MAGI2: variants seen among roughly 807,000 people sequenced by gnomAD.
The protein encoded by MAGI2 is membrane associated guanylate kinase, WW and PDZ domain containing 2, also known as membrane-associated guanylate kinase, WW and PDZ domain-containing protein 2.
In MAGI2, 35 loss-of-function variants were observed where a neutral mutation model predicts 133.3. The ratio of observed to expected loss-of-function variants is 0.26; its 90% CI spans 0.20 to 0.35. MAGI2 has a LOEUF of 0.35. Among genes scored for constraint, MAGI2 ranks in the 10% least tolerant of loss-of-function variants. MAGI2 has a pLI of 1.00. For synonymous variants in MAGI2, 729 were observed against 710.6 expected, an observed-to-expected ratio of 1.03 and a Z score of -0.41; for missense variants, 1,636 against 1,863.4, an observed-to-expected ratio of 0.88 and a Z score of 2.25.
intron 1 of MAGI2, among the ~76,000 whole-genome samples, chr7:79,050,169 C>A (rs574692377): frequency 2.5e-4 from 38 of 152,198 alleles, no homozygotes; most frequent in African/African-American, 7.9e-4. Context: ...GTTGTTTTCT[C>A]ATGAATACAT....
chr7:78,131,605 T>C (rs760778650), intron 18 of MAGI2, among the ~76,000 whole-genome samples: 1 of 152,162 alleles, frequency 6.6e-6, no homozygotes, highest in Non-Finnish European at 1.5e-5. Flanking sequence ...TGTTCTGTTT[T>C]TGTTTGTTTG....
chr7:79,070,651 C>T (rs2117152814), intron 1 of MAGI2, among the ~76,000 whole-genome samples: 1 of 151,850 alleles, frequency 6.6e-6, no homozygotes, highest in Admixed American at 6.6e-5. Flanking sequence ...ACCACCACAC[C>T]CAGCCAATTT....
At chr7:78,536,355 G>A (rs1036361924) in intron 3 of MAGI2, among the ~76,000 whole-genome samples, 4 of 151,354 alleles carry the variant, frequency 2.6e-5, no homozygotes, top group Admixed American at 6.6e-5. Context: ...CTCGTGATCC[G>A]CCCGCCTCGG....
intron 3 of MAGI2, among the ~76,000 whole-genome samples, chr7:78,588,537 A>T (rs1442126635): frequency 6.6e-5 from 10 of 152,200 alleles, no homozygotes; most frequent in Non-Finnish European, 1.5e-4. Flanking sequence ...AGTCAGTCTC[A>T]AACAACTTGC....
chr7:78,359,129 A>G (rs1306904263), intron 7 of MAGI2: 1 of 152,224 alleles, frequency 6.6e-6, no homozygotes, highest in Non-Finnish European at 1.5e-5. Context: ...TCTATGACCT[A>G]CTTGTTCAGG....
chr7:78,155,645 C>A (rs764751547), intron 16 of MAGI2, among the ~76,000 whole-genome samples: 4 of 152,002 alleles, frequency 2.6e-5, no homozygotes, highest in Non-Finnish European at 5.9e-5. Context: ...AACAACAAAA[C>A]AAACAAACAA....
chr7:78,272,588 G>T (rs770651292), intron 9 of MAGI2, among the ~76,000 whole-genome samples: 2 of 152,082 alleles, frequency 1.3e-5, no homozygotes, highest in Non-Finnish European at 2.9e-5. Flanking sequence ...TCTCTTTCTA[G>T]GTCTCTAAGA....
rs148730203 is a variant in MAGI2, at chr7:79,141,443, G to T, written c.302-134237C>A. Among the ~76,000 whole-genome samples, 897 of 152,160 alleles carry T rather than the reference G, an allele frequency of 5.9e-3. 12 individuals carry two copies. Among genetic ancestry groups the T allele is most frequent in the African/African-American group, 0.02 (828 of 41,490 alleles). ...CTCACCACCTCATACATGTATTAAT[G>T]TAACATCTACTTCAGAGCCAAATTT... On this transcript the variant is annotated intron_variant, in intron 1 of 21. Coordinates refer to ENST00000354212, the MANE Select transcript of MAGI2 (RefSeq NM_012301.4).
At chr7:78,346,943 C>G (rs943823952) in intron 7 of MAGI2, among the ~76,000 whole-genome samples, 1 of 152,200 alleles carries the variant, frequency 6.6e-6, no homozygotes, top group African/African-American at 2.4e-5. Context: ...GTACTTAACT[C>G]TTGGCCAGTT....
chr7:79,134,112 C>A (rs1197576543), intron 1 of MAGI2, among the ~76,000 whole-genome samples: 1 of 152,088 alleles, frequency 6.6e-6, no homozygotes, highest in Admixed American at 6.5e-5. Flanking sequence ...AAGTTAAAAT[C>A]TTAGTCTATT....
At chr7:78,187,495 CA>C in intron 12 of MAGI2, among the ~76,000 whole-genome samples, 1 of 151,662 alleles carries the variant, frequency 6.6e-6, no homozygotes, top group African/African-American at 2.4e-5. Context: ...CACATAATAC[CA>C]AAAAAATGAG....
chr7:78,448,224 G>A (rs1788353244), intron 6 of MAGI2, among the ~76,000 whole-genome samples: 2 of 152,016 alleles, frequency 1.3e-5, no homozygotes, highest in South Asian at 2.1e-4. Context: ...TGTGAAGAGT[G>A]CTGCAGCGAA....
chr7:79,028,264 T>G (rs1199119571), intron 1 of MAGI2, among the ~76,000 whole-genome samples: 3 of 21,126 alleles, frequency 1.4e-4, no homozygotes, highest in African/African-American at 4.3e-4. Flanking sequence ...TATATATATA[T>G]ATATGTATGT....
chr7:78,607,405 C>T (rs981605957), intron 3 of MAGI2, among the ~76,000 whole-genome samples: 15 of 151,442 alleles, frequency 9.9e-5, no homozygotes, highest in Middle Eastern at 3.4e-3. Context: ...GGCTGGCAGG[C>T]CCAGTAGTTG....
intron 1 of MAGI2, among the ~76,000 whole-genome samples, chr7:79,421,259 A>T (rs1350345194): frequency 6.6e-6 from 1 of 151,658 alleles, no homozygotes; most frequent in Non-Finnish European, 1.5e-5. Flanking sequence ...CTTGGCTTAT[A>T]GTTAAGTACC....
intron 3 of MAGI2, among the ~76,000 whole-genome samples, chr7:78,584,552 T>C (rs1195346101): frequency 1.3e-5 from 2 of 151,876 alleles, no homozygotes; most frequent in Non-Finnish European, 2.9e-5. Context: ...GCTTTCTGCA[T>C]GGCATCAGCA....
chr7:78,867,667 G>A, intron 2 of MAGI2, among the ~76,000 whole-genome samples: 1 of 151,352 alleles, frequency 6.6e-6, no homozygotes, highest in Non-Finnish European at 1.5e-5. Flanking sequence ...TTGTGCACAT[G>A]TACCCTAAAA....
Position 78,888,187 on chromosome 7 carries a change from C to T in MAGI2, c.418+118903G>A, listed in dbSNP as rs570358314. ...GGCTGCAGGAAGGCTGGGGGAGGGG[C>T]GCCCACCATTGCTGAGGCTTCAGTA... On this transcript the variant is annotated intron_variant, in intron 2 of 21. Transcript: ENST00000354212. Among the ~76,000 whole-genome samples the T allele has an allele frequency of 5.9e-5, 9 of 152,134 alleles. 1 individual carries two copies. The South Asian group carries it at 1.0e-3, about 18-fold the overall frequency.
intron 9 of MAGI2, among the ~76,000 whole-genome samples, chr7:78,296,689 T>A (rs1399013625): frequency 1.3e-5 from 2 of 152,178 alleles, no homozygotes; most frequent in African/African-American, 4.8e-5. Flanking sequence ...ACAGCATCCT[T>A]CTCCAAAATT....
Sources: gnomAD v4.1 joint callset for allele counts (sites outside exome capture counted in the v4.1 genomes callset) on GRCh38, gnomAD v4.1.1 for gene constraint, MANE v1.5 for transcripts, NCBI Gene and HGNC (gene_info 2026-07-23, HGNC 2026-07-21) for gene names.